PDK1: variants seen among roughly 807,000 people sequenced by gnomAD.
PDK1 encodes [Pyruvate dehydrogenase (acetyl-transferring)] kinase isozyme 1, mitochondrial.
A neutral mutation model predicts 54.2 loss-of-function variants in PDK1; 39 were observed. That is an observed-to-expected ratio of 0.72 (90% CI 0.56 to 0.94). The LOEUF is 0.94. Among genes scored for constraint, PDK1 ranks in the 40% least tolerant of loss-of-function variants. The pLI is 0.00. For synonymous variants in PDK1, 221 were observed against 207.1 expected (o/e 1.07, Z -0.58); for missense variants, 552 against 566.0 (o/e 0.98, Z 0.25).
At chr2:172,573,819 G>A (rs939688861) in intron 8 of PDK1, among the ~76,000 whole-genome samples, 1 of 151,898 alleles carries the variant, frequency 6.6e-6, no homozygotes, top group African/African-American at 2.4e-5. Flanking sequence ...AATAGAGATG[G>A]GGTCTTGCTA....
At chr2:172,696,384 A>G in the PDK1 span, among the ~76,000 whole-genome samples, 3 of 152,180 alleles carry the variant, frequency 2.0e-5, no homozygotes, top group South Asian at 2.1e-4. Context: ...GTGGCAATAT[A>G]TAGTTCATGC....
the PDK1 span, among the ~76,000 whole-genome samples, chr2:172,688,867 G>C: frequency 6.6e-6 from 1 of 152,170 alleles, no homozygotes; most frequent in Admixed American, 6.5e-5. Flanking sequence ...TCTGCTGAAG[G>C]TGTGTCCAGA....
downstream of PDK1, among the ~76,000 whole-genome samples, chr2:172,612,914 C>T (rs755428026): frequency 8.5e-5 from 13 of 152,184 alleles, no homozygotes; most frequent in Non-Finnish European, 1.5e-4. Context: ...CCCACCTCGG[C>T]CTCCCAAAGT....
At chr2:172,649,956 G>A in the PDK1 span, among the ~76,000 whole-genome samples, 1 of 152,262 alleles carries the variant, frequency 6.6e-6, no homozygotes, top group African/African-American at 2.4e-5. Context: ...TAGTGAGGCA[G>A]GCCAACATTC....
At chr2:172,648,122 A>G in the PDK1 span, among the ~76,000 whole-genome samples, 1 of 152,214 alleles carries the variant, frequency 6.6e-6, no homozygotes, top group Non-Finnish European at 1.5e-5. Flanking sequence ...CAACGTGGGA[A>G]GCTGACTTGG....
At chr2:172,678,174 A>AG in the PDK1 span, among the ~76,000 whole-genome samples, 1 of 152,154 alleles carries the variant, frequency 6.6e-6, no homozygotes, top group Non-Finnish European at 1.5e-5. Flanking sequence ...CGTCTCAAAA[A>AG]AAAGAAAGAA....
At chr2:172,635,033 A>G in the PDK1 span, among the ~76,000 whole-genome samples, 238 of 152,308 alleles carry the variant, frequency 1.6e-3, 2 homozygotes, top group African/African-American at 5.6e-3. Context: ...GTAGACTTGC[A>G]TAACTGTTTC....
rs1406854006 is a variant in PDK1 at position 172,560,432 on chromosome 2, T to C, written c.338+1583T>C. Reference sequence around the variant, plus strand: ...GTCCTCTCACCTTGGCTTCACAAAGTGTTGGTATTACAGACATGAGCCACC... The same window carrying C: ...GTCCTCTCACCTTGGCTTCACAAAGCGTTGGTATTACAGACATGAGCCACC... On this transcript the variant is annotated intron_variant, in intron 2 of 10. Coordinates refer to ENST00000282077, the MANE Select transcript of PDK1 (RefSeq NM_002610.5). Among the ~76,000 whole-genome samples the C allele has an allele frequency of 3.3e-5, 5 of 152,180 alleles. No homozygotes were observed. In the East Asian group the frequency reaches 9.6e-4, roughly 29 times the overall value.
chr2:172,595,238 ATT>A (rs1690824991), intron 10 of PDK1, among the ~76,000 whole-genome samples: 1 of 151,926 alleles, frequency 6.6e-6, no homozygotes, highest in East Asian at 1.9e-4. Context: ...TCCAGCTGAT[ATT>A]TTTATTTTTT....
chr2:172,586,223 A>T, intron 8 of PDK1, 55 bp from the exon 9 acceptor site: 3 of 967,966 alleles, frequency 3.1e-6, no homozygotes, highest in Non-Finnish European at 3.3e-6. Context: ...GTATGTGTTG[A>T]TATTTTGCTG....
intron 7 of PDK1, among the ~76,000 whole-genome samples, chr2:172,569,464 G>A (rs1689132753): frequency 6.6e-6 from 1 of 152,152 alleles, no homozygotes; most frequent in South Asian, 2.1e-4. Flanking sequence ...GGTGAGGAGT[G>A]AGGGGCACAG....
At chr2:172,621,844 ATGATACATGTTTATATCTCATATG>A in the PDK1 span, among the ~76,000 whole-genome samples, 19 of 122,082 alleles carry the variant, frequency 1.6e-4, no homozygotes, top group African/African-American at 5.4e-4. Context: ...TCTCATATGT[ATGATACATGTTTATATCTCATATG>A]TATGATATAT....
intron 9 of PDK1, among the ~76,000 whole-genome samples, chr2:172,589,134 A>G (rs1690428046): frequency 1.3e-5 from 2 of 152,312 alleles, no homozygotes; most frequent in South Asian, 4.1e-4. Flanking sequence ...AAGTATGGTC[A>G]AGAGAGAGCA....
the PDK1 span, chr2:172,723,653 G>T: frequency 6.6e-6 from 1 of 152,186 alleles, no homozygotes; most frequent in African/African-American, 2.4e-5. Flanking sequence ...TTGAGTCCTG[G>T]ATAACACAAG....
the PDK1 span, among the ~76,000 whole-genome samples, chr2:172,622,883 C>T: frequency 3.7e-4 from 50 of 134,754 alleles, no homozygotes; most frequent in Middle Eastern, 3.8e-3. Flanking sequence ...TATATGTTTA[C>T]ATATTATATG....
chr2:172,690,724 C>T, the PDK1 span, among the ~76,000 whole-genome samples: 5 of 149,644 alleles, frequency 3.3e-5, no homozygotes, highest in South Asian at 2.2e-4. Context: ...AGCTGGAAAC[C>T]ATCATTCTCA....
chr2:172,631,317 TG>T, the PDK1 span, among the ~76,000 whole-genome samples: 1 of 152,264 alleles, frequency 6.6e-6, no homozygotes. Flanking sequence ...CTGATTGTTG[TG>T]TTGTTTACTA....
At chr2:172,639,137 C>G in the PDK1 span, among the ~76,000 whole-genome samples, 3 of 152,184 alleles carry the variant, frequency 2.0e-5, no homozygotes, top group Non-Finnish European at 4.4e-5. Flanking sequence ...AAATGTGAGG[C>G]CTTTTGCTCC....
At chr2:172,589,546 C>G (rs1466638237) in intron 9 of PDK1, among the ~76,000 whole-genome samples, 1 of 152,226 alleles carries the variant, frequency 6.6e-6, no homozygotes, top group Non-Finnish European at 1.5e-5. Flanking sequence ...TTTTCCAAGA[C>G]ATGCTGTAAG....
Sources: allele counts gnomAD v4.1 joint callset (sites outside exome capture counted in the v4.1 genomes callset), GRCh38; gene constraint gnomAD v4.1.1; transcripts MANE v1.5; gene names NCBI Gene and HGNC (gene_info 2026-07-23, HGNC 2026-07-21).